The following DNER variants were observed in gnomAD, a reference collection of about 807,000 sequenced individuals.
DNER encodes delta/notch like EGF repeat containing, also known as delta and Notch-like epidermal growth factor-related receptor.
DNER carries 33 observed loss-of-function variants against 78.2 expected under a neutral mutation model. The observed-to-expected ratio is 0.42, with a 90% CI of 0.32 to 0.56. The LOEUF (loss-of-function observed/expected upper bound fraction) is 0.56. DNER is among the 20% of genes least tolerant of loss of function. DNER has a pLI of 0.11. For missense variants in DNER, 918 were observed against 975.3 expected (o/e 0.94, Z 0.78); for synonymous variants, 417 against 384.8 (o/e 1.08, Z -0.98).
At chr2:229,584,909 AAAG>A (rs1373956179) in intron 4 of DNER, among the ~76,000 whole-genome samples, 53 of 151,882 alleles carry the variant, frequency 3.5e-4, no homozygotes, top group Admixed American at 6.6e-4. Flanking sequence ...AAAAAAAAAA[AAAG>A]AAGAAGAAAA....
At chr2:229,498,337 A>T (rs533177700) in intron 6 of DNER, among the ~76,000 whole-genome samples, 1 of 152,334 alleles carries the variant, frequency 6.6e-6, no homozygotes, top group South Asian at 2.1e-4. Context: ...AGTAGTAAAC[A>T]GTTGAAAGAT....
At chr2:229,568,246 T>C (rs1425830695) in intron 4 of DNER, among the ~76,000 whole-genome samples, 4 of 152,238 alleles carry the variant, frequency 2.6e-5, no homozygotes, top group Non-Finnish European at 4.4e-5. Context: ...AGATGATGTC[T>C]CACTATGTTG....
intron 6 of DNER, among the ~76,000 whole-genome samples, chr2:229,487,904 C>T (rs12477357): frequency 0.13 from 19,031 of 152,214 alleles, 1,330 homozygotes; most frequent in South Asian, 0.2. Context: ...ACTGATGTGC[C>T]GGGGAAACAA....
At chr2:229,711,087 G>A (rs1397326700) in intron 1 of DNER, among the ~76,000 whole-genome samples, 1 of 151,734 alleles carries the variant, frequency 6.6e-6, no homozygotes, top group African/African-American at 2.4e-5. Flanking sequence ...CTCCCAAATG[G>A]GTTTAAATGG....
At chr2:229,566,349 A>G (rs1411319461) in intron 4 of DNER, among the ~76,000 whole-genome samples, 1 of 152,208 alleles carries the variant, frequency 6.6e-6, no homozygotes, top group Non-Finnish European at 1.5e-5. Context: ...CAAGTGTTCA[A>G]TGAGATTTCT....
At chr2:229,401,850 A>G (rs1693275102) in intron 10 of DNER, among the ~76,000 whole-genome samples, 1 of 152,152 alleles carries the variant, frequency 6.6e-6, no homozygotes, top group African/African-American at 2.4e-5. Context: ...CTAGCCAGAG[A>G]AAAATAGACC....
chr2:229,470,132 G>A (rs1438497058), intron 7 of DNER, among the ~76,000 whole-genome samples: 1 of 152,182 alleles, frequency 6.6e-6, no homozygotes, highest in African/African-American at 2.4e-5. Context: ...AAACTAAAAT[G>A]TTGTAAGAAT....
At chr2:229,459,816 C>A (rs1422487651) in intron 7 of DNER, among the ~76,000 whole-genome samples, 1 of 151,896 alleles carries the variant, frequency 6.6e-6, no homozygotes, top group Non-Finnish European at 1.5e-5. Flanking sequence ...GAGGCTGAGG[C>A]AGGAGTTCAA....
intron 12 of DNER, among the ~76,000 whole-genome samples, chr2:229,363,985 C>A (rs1177069597): frequency 1.3e-5 from 1 of 77,806 alleles, no homozygotes; most frequent in African/African-American, 5.2e-5. Context: ...CAATTCTCTG[C>A]TTTTTTTTTT....
chr2:229,679,680 T>C (rs1354690832), intron 1 of DNER, among the ~76,000 whole-genome samples: 1 of 152,240 alleles, frequency 6.6e-6, no homozygotes, highest in Non-Finnish European at 1.5e-5. Context: ...ATTCTGCCTG[T>C]CTGATGGCCC....
intron 1 of DNER, among the ~76,000 whole-genome samples, chr2:229,655,160 A>G (rs918737988): frequency 1.3e-5 from 2 of 152,180 alleles, no homozygotes; most frequent in Non-Finnish European, 2.9e-5. Flanking sequence ...CATCACCACC[A>G]CCAACACCCC....
At chr2:229,684,467 C>A (rs1329390103) in intron 1 of DNER, among the ~76,000 whole-genome samples, 3 of 152,136 alleles carry the variant, frequency 2.0e-5, no homozygotes, top group Non-Finnish European at 4.4e-5. Context: ...CAATTGCACC[C>A]ACTCCCATCC....
At chr2:229,437,235 T>C (rs190710020) in intron 8 of DNER, among the ~76,000 whole-genome samples, 15 of 152,214 alleles carry the variant, frequency 9.9e-5, no homozygotes, top group Admixed American at 6.5e-4. Context: ...GAAAAATCAA[T>C]ACCCGCTATG....
At chr2:229,520,075 T>C (rs1057450555) in intron 5 of DNER, among the ~76,000 whole-genome samples, 1 of 152,194 alleles carries the variant, frequency 6.6e-6, no homozygotes, top group African/African-American at 2.4e-5. Flanking sequence ...TTCGCCAGAA[T>C]TGGAAGTCCT....
chr2:229,575,280 C>G (rs1033531388), intron 4 of DNER, among the ~76,000 whole-genome samples: 12 of 152,038 alleles, frequency 7.9e-5, no homozygotes, highest in African/African-American at 2.2e-4. Flanking sequence ...CAGGCAATCC[C>G]CCACGTAATG....
At chr2:229,373,026 T>A (rs573961415) in intron 11 of DNER, among the ~76,000 whole-genome samples, 15 of 152,282 alleles carry the variant, frequency 9.9e-5, no homozygotes, top group African/African-American at 2.6e-4. Context: ...GTACCAATTC[T>A]GGACATGGGC....
Position 229,602,454 on chromosome 2 carries a change from C to A in DNER, c.277-10566G>T, listed in dbSNP as rs151102233. 1.7e-4 allele frequency among the ~76,000 whole-genome samples: 26 copies of A among 152,258 alleles called. 2 individuals are homozygous for A. The East Asian group carries it at 3.5e-3, about 20-fold the overall frequency. On this transcript the variant is annotated intron_variant, in intron 1 of 12. Transcript: ENST00000341772. ...GCAAGGATGTTTGCTAATACCACTT[C>A]CATTGAGCACTGCACTAAAGGTCCT...
intron 11 of DNER, among the ~76,000 whole-genome samples, chr2:229,387,571 A>G (rs575668138): frequency 5.4e-5 from 8 of 148,330 alleles, no homozygotes; most frequent in African/African-American, 9.9e-5. Flanking sequence ...AAGAAAGAAA[A>G]GAAAGAAGGA....
rs751919113 is a variant in DNER at position 229,407,256 on chromosome 2, A to G, written c.1699T>C (p.Cys567Arg). 92 of 1,613,444 alleles carry G rather than the reference A, an allele frequency of 5.7e-5. No homozygotes were observed. Among genetic ancestry groups the G allele is most frequent in the Non-Finnish European group, 7.3e-5 (86 of 1,179,492 alleles). ...CCTGTAAACCCGGGTGCACAGATGC[A>G]CGTGCCATTCAGGCCGTCGCTGTCA... is the stretch of plus-strand genomic sequence containing the variant. ...TCDSDGLNGT[C>R]ICAPGFTGEE... The change falls in exon 10 of 13, where the codon TGC (cysteine) becomes CGC (arginine). Residue 567 changes from cysteine (C) to arginine (R), a missense_variant. Coordinates refer to ENST00000341772, the MANE Select transcript of DNER (RefSeq NM_139072.4).
Sources: allele counts gnomAD v4.1 joint callset (sites outside exome capture counted in the v4.1 genomes callset), GRCh38; gene constraint gnomAD v4.1.1; transcripts MANE v1.5; gene names NCBI Gene and HGNC (gene_info 2026-07-23, HGNC 2026-07-21).